ATP6V1E1: variants seen among roughly 807,000 people sequenced by gnomAD.
The protein encoded by ATP6V1E1 is V-type proton ATPase subunit E 1.
ATP6V1E1 carries 21 observed loss-of-function variants against 35.2 expected under a neutral mutation model. That is an observed-to-expected ratio of 0.60 (90% CI 0.42 to 0.86). The LOEUF is 0.86. Ranked by LOEUF, ATP6V1E1 falls within the 40% of genes least tolerant of loss-of-function variation. The pLI, the probability that ATP6V1E1 is intolerant of heterozygous loss-of-function variation, is 0.00. For missense variants in ATP6V1E1, 183 were observed against 272.6 expected (o/e 0.67, Z 2.32); for synonymous variants, 83 against 87.8 (o/e 0.95, Z 0.30).
chr22:17,622,296 C>T (rs2057881726), intron 1 of ATP6V1E1, among the ~76,000 whole-genome samples: 1 of 152,096 alleles, frequency 6.6e-6, no homozygotes, highest in Non-Finnish European at 1.5e-5. Context: ...CAACCACCAC[C>T]ATAGGAGATG....
At chr22:17,618,251 C>A (rs1601392712) in intron 2 of ATP6V1E1, among the ~76,000 whole-genome samples, 1 of 152,292 alleles carries the variant, frequency 6.6e-6, no homozygotes, top group East Asian at 1.9e-4. Context: ...ATGAATCATA[C>A]ATTACTTTTC....
At chr22:17,598,778 A>C (rs1019923819) in intron 6 of ATP6V1E1, among the ~76,000 whole-genome samples, 2 of 152,236 alleles carry the variant, frequency 1.3e-5, no homozygotes, top group Non-Finnish European at 2.9e-5. Flanking sequence ...TCCTCAAAAA[A>C]TGAAGTACAC....
chr22:17,603,290 G>C (rs1388752684), intron 4 of ATP6V1E1, among the ~76,000 whole-genome samples: 1 of 152,102 alleles, frequency 6.6e-6, no homozygotes, highest in Non-Finnish European at 1.5e-5. Flanking sequence ...GGGAGGCATA[G>C]GTGGCAGGAC....
intron 1 of ATP6V1E1, among the ~76,000 whole-genome samples, chr22:17,624,980 G>A (rs917149529): frequency 5.3e-5 from 8 of 152,162 alleles, no homozygotes; most frequent in African/African-American, 1.7e-4. Flanking sequence ...AAGAGTATAT[G>A]GAGGGCATTT....
chr22:17,613,250 T>C lies in ATP6V1E1; in HGVS notation c.170A>G (p.Tyr57Cys). Reference protein sequence around the residue: ...QTQRLKIMEYYEKKEKQIEQQ... With the variant: ...QTQRLKIMEYCEKKEKQIEQQ... ...CTCAATCTGTTTCTCTTTCTTCTCATAATATTCCATAATCTTTAGTCTTTG... is the reference window on the plus strand; with the variant it reads ...CTCAATCTGTTTCTCTTTCTTCTCACAATATTCCATAATCTTTAGTCTTTG... The change falls in exon 3 of 9, where the codon TAT becomes TGT. Residue 57 changes from tyrosine (Y) to cysteine (C), a missense_variant. By Grantham distance (194) the Tyr-to-Cys change is radical (BLOSUM62 -2). Transcript: ENST00000253413. 1 of 1,612,782 alleles carries C rather than the reference T, an allele frequency of 6.2e-7. No homozygotes were observed. The highest frequency in any genetic ancestry group is 8.5e-7 in the Non-Finnish European group (1 of 1,179,768).
rs551574759 is a variant in ATP6V1E1 at position 17,614,527 on chromosome 22, C to T, written c.100-1207G>A. On this transcript the variant is annotated intron_variant, in intron 2 of 8. Coordinates refer to ENST00000253413, the MANE Select transcript of ATP6V1E1 (RefSeq NM_001696.4). Reference sequence around the variant, plus strand: ...CACACACACACACACAAAAATTAGCCGCGCATGGTGGGCACATGCCTGTAA... The same window carrying T: ...CACACACACACACACAAAAATTAGCTGCGCATGGTGGGCACATGCCTGTAA... Among the ~76,000 whole-genome samples, 613 of 150,864 alleles carry T rather than the reference C, an allele frequency of 4.1e-3. 2 individuals are homozygous for T. Among genetic ancestry groups the T allele is most frequent in the African/African-American group, 0.013 (528 of 41,062 alleles).
rs191019684 is a variant in ATP6V1E1, at chr22:17,592,839, G to A, written c.619-103C>T. 25 of 1,083,098 alleles carry A rather than the reference G, an allele frequency of 2.3e-5. No individual in the cohort carries two copies. In the African/African-American group the frequency reaches 3.5e-4, roughly 15 times the overall value. The allele number at this position is 1,083,098 out of a possible 1,614,324, so 67.1% of individuals were successfully genotyped here. ...TTTTTTTGAGACGGAGTCTCGCTCT[G>A]TCGCCCAGGCTGGAGTGCAGTGGCG... On this transcript the variant is annotated intron_variant, in intron 8 of 8. Transcript: ENST00000253413.
At chr22:17,627,169 T>A (rs915138216) in intron 1 of ATP6V1E1, among the ~76,000 whole-genome samples, 19 of 151,512 alleles carry the variant, frequency 1.3e-4, no homozygotes, top group East Asian at 3.9e-4. Context: ...TTTTTTTTTT[T>A]ATTTTTTTGA....
intron 4 of ATP6V1E1, among the ~76,000 whole-genome samples, chr22:17,606,776 A>G (rs1481870476): frequency 3.9e-5 from 6 of 152,192 alleles, no homozygotes; most frequent in African/African-American, 1.4e-4. Context: ...TGCTCTGGCA[A>G]ATGTGAAAAA....
chr22:17,613,532 G>C (rs1048982203), intron 2 of ATP6V1E1, among the ~76,000 whole-genome samples: 1 of 151,508 alleles, frequency 6.6e-6, no homozygotes. Flanking sequence ...TAAAAATTTC[G>C]TCAAGGGTAA....
At chr22:17,607,159 C>CT (rs572646404) in intron 4 of ATP6V1E1, among the ~76,000 whole-genome samples, 226 of 147,134 alleles carry the variant, frequency 1.5e-3, no homozygotes, top group African/African-American at 1.9e-3. Context: ...TCCTATATTT[C>CT]TTTTTTTTTT....
At chr22:17,595,508 A>C (rs975802306) in intron 7 of ATP6V1E1, among the ~76,000 whole-genome samples, 7 of 152,168 alleles carry the variant, frequency 4.6e-5, no homozygotes, top group African/African-American at 1.7e-4. Context: ...ATGAGGCCCT[A>C]TCACGACTGC....
rs542769487 is a variant in ATP6V1E1, at chr22:17,613,892, G to A, written c.100-572C>T. On this transcript the variant is annotated intron_variant, in intron 2 of 8. Transcript: ENST00000253413. The stretch of plus-strand genomic sequence containing the variant: ...TGAGGCAGGACAATGGCGTGAACCC[G>A]GGAGGCAGAGCTTGCAGCGAGTGGA... 5.3e-5 allele frequency among the ~76,000 whole-genome samples: 8 copies of A among 152,318 alleles called. No homozygotes were observed. The South Asian group carries it at 8.3e-4, about 16-fold the overall frequency.
chr22:17,605,693 CTT>C (rs3044548), intron 4 of ATP6V1E1, among the ~76,000 whole-genome samples: 12 of 103,968 alleles, frequency 1.2e-4, no homozygotes, highest in Non-Finnish European at 1.7e-4. Flanking sequence ...AGATGTTTCT[CTT>C]TTTTTTTTTT....
intron 4 of ATP6V1E1, among the ~76,000 whole-genome samples, chr22:17,605,946 G>A (rs1204125853): frequency 1.3e-5 from 2 of 151,228 alleles, no homozygotes; most frequent in Non-Finnish European, 2.9e-5. Context: ...AGGCATGGGG[G>A]ATGGTGCCTG....
At chr22:17,595,750 G>A (rs1297856248) in intron 7 of ATP6V1E1, among the ~76,000 whole-genome samples, 1 of 150,934 alleles carries the variant, frequency 6.6e-6, no homozygotes, top group African/African-American at 2.4e-5. Flanking sequence ...GAACCCAGGA[G>A]GCAGAGGTTG....
At position 17,612,987 on chromosome 22, in the gene ATP6V1E1, C is replaced by T. The variant is rs914357886; in HGVS notation, c.210-109G>A. 6.3e-6 allele frequency: 7 copies of T among 1,115,622 alleles called. No homozygotes were observed. In the African/African-American group the frequency reaches 9.5e-5, roughly 15 times the overall value. The allele number at this position is 1,115,622 out of a possible 1,614,324, so 69.1% of individuals were successfully genotyped here. A position where few individuals can be genotyped will look rare whatever the true frequency, so the allele number is the denominator to read the frequency against. ...TCCTCCCTTGGCCTCCCCAAAGCAC[C>T]AGGATTACAAGCGTGAGCCACCTTG... On this transcript the variant is annotated intron_variant, in intron 3 of 8. Transcript: ENST00000253413.
At chr22:17,627,868 G>A (rs1285859620) in intron 1 of ATP6V1E1, among the ~76,000 whole-genome samples, 3 of 149,038 alleles carry the variant, frequency 2.0e-5, no homozygotes, top group Admixed American at 2.0e-4. Context: ...TAAAGTGAAC[G>A]ACCTTGTCAA....
Position 17,598,390 on chromosome 22 carries a change from G to T in ATP6V1E1, c.436-102C>A, listed in dbSNP as rs2072555. 169,914 of 938,314 alleles carry T rather than the reference G, an allele frequency of 0.18. 18,328 individuals carry two copies. The highest frequency in any genetic ancestry group is 0.45 in the African/African-American group (27,263 of 60,788). 58.1% of individuals were successfully genotyped at this position (938,314 alleles called of 1,614,324 possible). A position where few individuals can be genotyped will look rare whatever the true frequency, so the allele number is the denominator to read the frequency against. ...AGCAAGGATACCTCCATTTATCCCA[G>T]GTAAAAGAACAGAGGCACCGCTGGT... On this transcript the variant is annotated intron_variant, in intron 6 of 8. Transcript: ENST00000253413.
Sources: allele counts gnomAD v4.1 joint callset (sites outside exome capture counted in the v4.1 genomes callset), GRCh38; gene constraint gnomAD v4.1.1; transcripts MANE v1.5; gene names NCBI Gene and HGNC (gene_info 2026-07-23, HGNC 2026-07-21).